The following UBAP2L variants were observed in gnomAD, a reference collection of about 807,000 sequenced individuals.
UBAP2L encodes the protein ubiquitin associated protein 2 like.
In UBAP2L, 12 loss-of-function variants were observed where a neutral mutation model predicts 130.6. That is an observed-to-expected ratio of 0.09 (90% CI 0.06 to 0.15). UBAP2L has a LOEUF of 0.15. Ranked by LOEUF, UBAP2L falls within the 10% of genes least tolerant of loss-of-function variation. The pLI, the probability that UBAP2L is intolerant of heterozygous loss-of-function variation, is 1.00. For missense variants in UBAP2L, 965 were observed against 1,332.5 expected, an observed-to-expected ratio of 0.72 and a Z score of 4.29; for synonymous variants, 503 against 524.7, an observed-to-expected ratio of 0.96 and a Z score of 0.57.
In UBAP2L at chr1:154,225,132, A is replaced by G; in HGVS notation, c.9A>G (p.Thr3=). Residue 3 remains threonine, a synonymous_variant, in exon 2 of 27, where the codon ACA becomes ACG. Coordinates refer to ENST00000428931, the MANE Select transcript of UBAP2L (RefSeq NM_014847.4). ...ATTTGTATATACTGTAAATGATGAC[A>G]TCGGTGGGCACTAACCGAGCCCGGG... is the stretch of plus-strand genomic sequence containing the variant. The part of the protein sequence containing the change: MM[T]SVGTNRARGN... 3.1e-6 allele frequency: 5 copies of G among 1,614,054 alleles called. No individual in the cohort carries two copies. Among genetic ancestry groups the G allele is most frequent in the African/African-American group, 1.3e-5 (1 of 75,010 alleles).
intron 12 of UBAP2L, 102 bp from the exon 13 acceptor site, chr1:154,250,939 C>T: frequency 8.0e-7 from 1 of 1,251,998 alleles, no homozygotes; most frequent in Non-Finnish European, 1.1e-6. Context: ...ATATGAGTTT[C>T]TGATTTTTAC....
intron 20 of UBAP2L, 122 bp from the exon 21 acceptor site, chr1:154,258,855 C>T: frequency 1.4e-6 from 1 of 734,222 alleles, no homozygotes; most frequent in Non-Finnish European, 2.3e-6. Context: ...AGGAAATAAT[C>T]CGTGTCCTGT....
intron 4 of UBAP2L, among the ~76,000 whole-genome samples, chr1:154,229,104 CTTTTTA>C (rs1668952037): frequency 6.8e-6 from 1 of 146,212 alleles, no homozygotes; most frequent in Admixed American, 6.7e-5. Flanking sequence ...GTTTTTTTTT[CTTTTTA>C]TTTTATTTTA....
At chr1:154,265,840 C>T (rs138068747) in intron 24 of UBAP2L, among the ~76,000 whole-genome samples, 63 of 152,230 alleles carry the variant, frequency 4.1e-4, no homozygotes, top group African/African-American at 1.4e-3. Context: ...CTCCTGTCTA[C>T]CTATCCCTCC....
chr1:154,260,882 C>T lies in UBAP2L; in HGVS notation c.2579-10C>T. 3 of 1,613,804 alleles carry T rather than the reference C, an allele frequency of 1.9e-6. No individual in the cohort carries two copies. The highest frequency in any genetic ancestry group is 1.1e-5 in the South Asian group (1 of 91,078). On this transcript the variant is annotated splice_polypyrimidine_tract_variant and intron_variant, in intron 22 of 26. Coordinates refer to ENST00000428931, the MANE Select transcript of UBAP2L (RefSeq NM_014847.4). Reference sequence around the variant, plus strand: ...AAAGAGGCAGGTACATTTAGCTTCTCCTGTCACAGGTGACCTCACAAAGTT... The same window carrying T: ...AAAGAGGCAGGTACATTTAGCTTCTTCTGTCACAGGTGACCTCACAAAGTT...
chr1:154,244,363 G>A (rs543391902), intron 10 of UBAP2L, among the ~76,000 whole-genome samples: 24 of 152,152 alleles, frequency 1.6e-4, no homozygotes, highest in Non-Finnish European at 2.9e-4. Context: ...TTTACTTGCC[G>A]TTACTGTTTT....
rs1318498914 is a variant in UBAP2L, at chr1:154,255,179, A to G, written c.1937A>G (p.Asp646Gly). Residue 646 changes from aspartate to glycine, a missense_variant, in exon 17 of 27, where the codon GAT becomes GGT. Coordinates refer to ENST00000428931, the MANE Select transcript of UBAP2L (RefSeq NM_014847.4). The part of the protein sequence containing the change: ...EGATGSAVKS[D>G]SPSTSSIPPL... The stretch of plus-strand genomic sequence containing the variant: ...GCTACAGGCTCTGCAGTGAAATCTG[A>G]TTCACCTTCCACTTCTAGCATCCCC... 1 of 1,613,998 alleles carries G rather than the reference A, an allele frequency of 6.2e-7. No homozygotes were observed. Among genetic ancestry groups the G allele is most frequent in the Non-Finnish European group, 8.5e-7 (1 of 1,179,960 alleles).
rs1681015907 is a variant in UBAP2L, at chr1:154,260,045, G to A, written c.2578+16G>A. 6.2e-7 allele frequency: 1 copy of A among 1,612,416 alleles called. No individual in the cohort carries two copies. The highest frequency in any genetic ancestry group is 1.3e-5 in the African/African-American group (1 of 74,882). On this transcript the variant is annotated intron_variant, in intron 22 of 26. Coordinates refer to ENST00000428931, the MANE Select transcript of UBAP2L (RefSeq NM_014847.4). ...CCTTATTCTGGTAGGATTGGGATGG[G>A]ACTAAATAAATAAAAAGGGAGATAG... is the stretch of plus-strand genomic sequence containing the variant.
rs745444942 is a variant in UBAP2L at position 154,255,146 on chromosome 1, T to G, written c.1910-6T>G. On this transcript the variant is annotated splice_region_variant and splice_polypyrimidine_tract_variant and intron_variant, in intron 16 of 26. Transcript: ENST00000428931. ...TGAGAGGAATTCCTTTCTTCTAAAT[T>G]TCTAGGTGCTACAGGCTCTGCAGTG... The G allele has an allele frequency of 6.2e-7, 1 of 1,613,690 alleles. No individual in the cohort carries two copies. Among genetic ancestry groups the G allele is most frequent in the Admixed American group, 1.7e-5 (1 of 59,966 alleles).
At chr1:154,238,047 C>G (rs1337828298) in intron 8 of UBAP2L, among the ~76,000 whole-genome samples, 1 of 152,146 alleles carries the variant, frequency 6.6e-6, no homozygotes, top group Non-Finnish European at 1.5e-5. Context: ...TGACTCCTTA[C>G]CTGTTTAAAT....
chr1:154,238,243 T>C (rs1359464607), intron 8 of UBAP2L, among the ~76,000 whole-genome samples: 1 of 152,214 alleles, frequency 6.6e-6, no homozygotes, highest in Non-Finnish European at 1.5e-5. Context: ...GAGGCTGAAG[T>C]TGAGTTACAA....
chr1:154,263,022 C>G (rs1682084755), intron 24 of UBAP2L: 3 of 1,381,890 alleles, frequency 2.2e-6, no homozygotes, highest in Admixed American at 2.4e-5. Context: ...TATATCAGCC[C>G]TTGAGAACCC....
intron 2 of UBAP2L, among the ~76,000 whole-genome samples, 158 bp from the exon 3 acceptor site, chr1:154,227,124 C>G (rs1256285770): frequency 6.6e-6 from 1 of 152,212 alleles, no homozygotes; most frequent in Non-Finnish European, 1.5e-5. Flanking sequence ...CCGCACCTAT[C>G]CCTGATCCCC....
intron 4 of UBAP2L, among the ~76,000 whole-genome samples, chr1:154,232,513 A>T (rs1670191851): frequency 6.6e-6 from 1 of 152,076 alleles, no homozygotes; most frequent in East Asian, 1.9e-4. Context: ...CTTACCACAG[A>T]CTTTCCCTCT....
At chr1:154,242,382 A>C (rs1673867121) in intron 9 of UBAP2L, among the ~76,000 whole-genome samples, 1 of 152,252 alleles carries the variant, frequency 6.6e-6, no homozygotes, top group Non-Finnish European at 1.5e-5. Flanking sequence ...TTTAAATTTC[A>C]GAGGCATCAG....
rs1679927815 is a variant in UBAP2L at position 154,257,066 on chromosome 1, A to C, written c.2161A>C (p.Thr721Pro). The C allele has an allele frequency of 6.2e-7, 1 of 1,612,984 alleles. No individual in the cohort carries two copies. The highest frequency in any genetic ancestry group is 8.5e-7 in the Non-Finnish European group (1 of 1,179,830). ...GRTSTSTLLH[T>P]SVESEANLHS... ...TCCACTGCTCCCCCTTTTGAAGCAC[A>C]CAAGTGTGGAGAGTGAGGCGAATCT... The change falls in exon 19 of 27, where the codon ACA becomes CCA. Residue 721 changes from threonine (T) to proline (P), a missense_variant. Physicochemically the swap from Thr to Pro is conservative, Grantham distance 38. Coordinates refer to ENST00000428931, the MANE Select transcript of UBAP2L (RefSeq NM_014847.4).
chr1:154,249,864 CAAAAAAA>C (rs1187501487), intron 12 of UBAP2L, among the ~76,000 whole-genome samples: 1 of 61,190 alleles, frequency 1.6e-5, no homozygotes, highest in Non-Finnish European at 3.5e-5. Flanking sequence ...TAGCTTTCCG[CAAAAAAA>C]AAAAAAAAAA....
chr1:154,245,168 G>A (rs182741486), intron 10 of UBAP2L, among the ~76,000 whole-genome samples: 168 of 152,164 alleles, frequency 1.1e-3, no homozygotes, highest in African/African-American at 3.7e-3. Flanking sequence ...TCAAGTATCC[G>A]CCTGCTTTGG....
chr1:154,257,042 C>T, intron 18 of UBAP2L, 21 bp from the exon 19 acceptor site: 2 of 1,607,028 alleles, frequency 1.2e-6, no homozygotes, highest in Non-Finnish European at 1.7e-6. Flanking sequence ...CTTCTCTCTT[C>T]CACTGCTCCC....
Sources: gnomAD v4.1 joint callset for allele counts (sites outside exome capture counted in the v4.1 genomes callset) on GRCh38, gnomAD v4.1.1 for gene constraint, MANE v1.5 for transcripts, NCBI Gene and HGNC (gene_info 2026-07-23, HGNC 2026-07-21) for gene names.